Variants in STK3 observed in about 807,000 individuals in gnomAD.
STK3 encodes serine/threonine-protein kinase 3.
In STK3, 41 loss-of-function variants were observed where a neutral mutation model predicts 58.0. That is an observed-to-expected ratio of 0.71 (90% CI 0.55 to 0.92). The LOEUF is 0.92. STK3 is among the 40% of genes least tolerant of loss of function. STK3 has a pLI of 0.00. For missense variants in STK3, 479 were observed against 602.7 expected, an observed-to-expected ratio of 0.79 and a Z score of 2.15; for synonymous variants, 170 against 191.0, an observed-to-expected ratio of 0.89 and a Z score of 0.91.
intron 10 of STK3, among the ~76,000 whole-genome samples, chr8:98,502,251 A>C (rs1442931853): frequency 1.3e-5 from 2 of 152,046 alleles, no homozygotes; most frequent in Non-Finnish European, 2.9e-5. Context: ...TTGCACATTG[A>C]TTTTGTATCC....
At chr8:98,740,928 A>G (rs551893584) in intron 4 of STK3, among the ~76,000 whole-genome samples, 1 of 152,268 alleles carries the variant, frequency 6.6e-6, no homozygotes, top group Non-Finnish European at 1.5e-5. Context: ...AAACAAAAAA[A>G]GGCAGGGGTT....
intron 6 of STK3, among the ~76,000 whole-genome samples, chr8:98,607,032 CTGGATGGTTAGCAGTA>C (rs770229288): frequency 3.7e-4 from 57 of 152,236 alleles, no homozygotes; most frequent in Non-Finnish European, 7.1e-4. Context: ...TGAGCTAACT[CTGGATGGTTAGCAGTA>C]GAACAGAACC....
chr8:98,712,515 CA>C (rs1826566495), intron 4 of STK3, among the ~76,000 whole-genome samples: 1 of 150,858 alleles, frequency 6.6e-6, no homozygotes, highest in Non-Finnish European at 1.5e-5. Flanking sequence ...GTTAAACCAA[CA>C]AAGATCAAAA....
intron 1 of STK3, among the ~76,000 whole-genome samples, chr8:98,439,644 AAC>A (rs1818620732): frequency 6.6e-6 from 1 of 152,238 alleles, no homozygotes; most frequent in Admixed American, 6.5e-5. Context: ...AGCAGTGGTC[AAC>A]ACATGCGCAC....
rs1197324054 is a variant in STK3 at position 98,440,569 on chromosome 8, GT to G, written n.186-3362del. On this transcript the variant is annotated intron_variant and non_coding_transcript_variant, in intron 1 of 3. Coordinates refer to the STK3 transcript ENST00000517832. ...TCAATTTTATTACATAAGCACGTGT[GT>G]GTGTGTGTGTGTGTGTACCATTAAC... Among the ~76,000 whole-genome samples the G allele has an allele frequency of 2.0e-5, 3 of 150,974 alleles. No individual in the cohort carries two copies. The East Asian group carries it at 5.8e-4, about 29-fold the overall frequency.
intron 10 of STK3, among the ~76,000 whole-genome samples, chr8:98,457,345 AC>A (rs1253381967): frequency 2.0e-5 from 3 of 152,230 alleles, no homozygotes; most frequent in Non-Finnish European, 4.4e-5. Context: ...TTTGAACTGT[AC>A]ACATCGGTAA....
At position 98,749,406 on chromosome 8, in the gene STK3, T is replaced by A. The variant is rs559419607; in HGVS notation, c.237-16A>T. The A allele has an allele frequency of 7.2e-7, 1 of 1,396,692 alleles. No homozygotes were observed. Among genetic ancestry groups the A allele is most frequent in the Admixed American group, 2.2e-5 (1 of 45,668 alleles). 86.5% of individuals were successfully genotyped at this position (1,396,692 alleles called of 1,614,324 possible). A position where few individuals can be genotyped will look rare whatever the true frequency, so the allele number is the denominator to read the frequency against. ...AACATATGGGCTAAAGGAAAATACATAAACAATTAAATTTAGTTAATTCCC... is the reference window on the plus strand; with the variant it reads ...AACATATGGGCTAAAGGAAAATACAAAAACAATTAAATTTAGTTAATTCCC... On this transcript the variant is annotated splice_polypyrimidine_tract_variant and intron_variant, in intron 3 of 10. Transcript: ENST00000419617.
At chr8:98,429,438 C>A in intron 3 of STK3, 1 of 1,525,080 alleles carries the variant, frequency 6.6e-7, no homozygotes, top group Non-Finnish European at 9.0e-7. Flanking sequence ...CACCCTCCAC[C>A]CCACATTGCT....
chr8:98,493,165 G>A lies in STK3; in HGVS notation c.1317+33577C>T, dbSNP rs1026015110. 1.3e-4 allele frequency among the ~76,000 whole-genome samples: 19 copies of A among 148,592 alleles called. No homozygotes were observed. In the East Asian group the frequency reaches 3.3e-3, roughly 26 times the overall value. On this transcript the variant is annotated intron_variant, in intron 10 of 10. Coordinates refer to ENST00000419617, the MANE Select transcript of STK3 (RefSeq NM_006281.4). ...GAGAATTGCTTGAGCCCAGGAGGTC[G>A]AAGCTGCAGTGAACTGTGTCTGTGC...
intron 1 of STK3, among the ~76,000 whole-genome samples, chr8:98,920,340 G>A (rs544472316): frequency 1.3e-5 from 2 of 152,168 alleles, no homozygotes; most frequent in African/African-American, 4.8e-5. Context: ...CTGACAGAAC[G>A]AGGCCTGCAA....
At chr8:98,795,396 A>G (rs1002702955) in intron 1 of STK3, among the ~76,000 whole-genome samples, 2 of 151,490 alleles carry the variant, frequency 1.3e-5, no homozygotes, top group Non-Finnish European at 2.9e-5. Context: ...ATACCTCAAA[A>G]CAGTAAGAGC....
At chr8:98,904,751 G>T in intron 1 of STK3, 1 of 805,926 alleles carries the variant, frequency 1.2e-6, no homozygotes. Flanking sequence ...CATGGCTGCA[G>T]CATGACGCGG....
chr8:98,925,990 G>A (rs1839772242), intron 1 of STK3, among the ~76,000 whole-genome samples: 1 of 152,194 alleles, frequency 6.6e-6, no homozygotes, highest in African/African-American at 2.4e-5. Context: ...GTCATCTTGA[G>A]TATCAGGATG....
chr8:98,688,513 C>G (rs1025759568), intron 6 of STK3, among the ~76,000 whole-genome samples: 2 of 151,968 alleles, frequency 1.3e-5, no homozygotes, highest in African/African-American at 4.8e-5. Flanking sequence ...GACTGACCAC[C>G]TGCTCAGTCA....
chr8:98,413,390 T>C, intron 3 of STK3: 1 of 544,654 alleles, frequency 1.8e-6, no homozygotes, highest in South Asian at 1.4e-5. Context: ...CTTGGATCCT[T>C]GGCTACAGTT....
intron 10 of STK3, among the ~76,000 whole-genome samples, chr8:98,504,937 A>C (rs1696119770): frequency 6.6e-6 from 1 of 152,138 alleles, no homozygotes; most frequent in African/African-American, 2.4e-5. Context: ...ATGTTGGTCC[A>C]CCTTGCTAGG....
intron 3 of STK3, among the ~76,000 whole-genome samples, chr8:98,433,173 C>T (rs1050423893): frequency 3.3e-5 from 5 of 152,086 alleles, no homozygotes; most frequent in African/African-American, 1.2e-4. Context: ...AACCACTAGC[C>T]TCCTTGGTAG....
At chr8:98,671,741 T>C (rs1234738252) in intron 6 of STK3, among the ~76,000 whole-genome samples, 1 of 152,054 alleles carries the variant, frequency 6.6e-6, no homozygotes, top group East Asian at 1.9e-4. Context: ...ACCACCACAC[T>C]TGGCTACTTT....
At position 98,767,240 on chromosome 8, in the gene STK3, T is replaced by G. The variant is rs773837691; in HGVS notation, c.236+3A>C. 1.2e-6 allele frequency: 2 copies of G among 1,603,028 alleles called. No homozygotes were observed. On this transcript the variant is annotated splice_donor_region_variant and intron_variant, in intron 3 of 10. Transcript: ENST00000419617. ...TAAGCAAAGAAATAAAATCTCTTCA[T>G]ACCTGTCACATTGCTGCATTATGGA...
Sources: allele counts gnomAD v4.1 joint callset (sites outside exome capture counted in the v4.1 genomes callset), GRCh38; gene constraint gnomAD v4.1.1; transcripts MANE v1.5; gene names NCBI Gene and HGNC (gene_info 2026-07-23, HGNC 2026-07-21).